Variants in PGCKA1 observed in about 807,000 individuals in gnomAD.
PGCKA1 encodes PDCD10 and GCKIII kinases-associated protein 1.
chr4:37,480,209 G>A, the PGCKA1 span, among the ~76,000 whole-genome samples: 1 of 152,188 alleles, frequency 6.6e-6, no homozygotes. Flanking sequence ...AACCTGAGAG[G>A]AGGCCAGGTG....
chr4:37,553,143 C>A, the PGCKA1 span, among the ~76,000 whole-genome samples: 9 of 150,900 alleles, frequency 6.0e-5, 1 homozygote, highest in East Asian at 1.2e-3. Context: ...CAGGTCTTCC[C>A]CATGTACAAG....
the PGCKA1 span, among the ~76,000 whole-genome samples, chr4:37,552,813 A>T: frequency 8.3e-3 from 1,260 of 152,042 alleles, 19 homozygotes; most frequent in African/African-American, 0.029. Context: ...CTTGTCATTC[A>T]CCACTTCAGA....
At chr4:37,587,696 C>G in the PGCKA1 span, among the ~76,000 whole-genome samples, 1 of 152,178 alleles carries the variant, frequency 6.6e-6, no homozygotes, top group Non-Finnish European at 1.5e-5. Context: ...AGGCCCGTCA[C>G]AGTGGCTCAT....
chr4:37,502,219 C>T, the PGCKA1 span, among the ~76,000 whole-genome samples: 19 of 152,204 alleles, frequency 1.2e-4, no homozygotes, highest in Admixed American at 3.3e-4. Context: ...TCAGGGACGG[C>T]GGCAGTGCAA....
At chr4:37,502,622 G>A in the PGCKA1 span, among the ~76,000 whole-genome samples, 1 of 152,160 alleles carries the variant, frequency 6.6e-6, no homozygotes, top group Admixed American at 6.5e-5. Flanking sequence ...GGCAGCACAG[G>A]GTGCGTGCGC....
chr4:37,471,027 T>C, the PGCKA1 span, among the ~76,000 whole-genome samples: 1 of 152,224 alleles, frequency 6.6e-6, no homozygotes, highest in African/African-American at 2.4e-5. Context: ...AGAACTTTAA[T>C]TTGCAAATAA....
At chr4:37,493,965 C>T in the PGCKA1 span, among the ~76,000 whole-genome samples, 1 of 152,100 alleles carries the variant, frequency 6.6e-6, no homozygotes, top group Non-Finnish European at 1.5e-5. Context: ...TTTCTTTATC[C>T]ATTCATCTGT....
At chr4:37,576,259 T>C in the PGCKA1 span, among the ~76,000 whole-genome samples, 3,711 of 152,238 alleles carry the variant, frequency 0.024, 143 homozygotes, top group African/African-American at 0.083. Flanking sequence ...TTTAATTTCT[T>C]TCACCAACAT....
chr4:37,509,976 T>G, the PGCKA1 span, among the ~76,000 whole-genome samples: 8 of 80,678 alleles, frequency 9.9e-5, no homozygotes, highest in African/African-American at 2.5e-4. Flanking sequence ...CGGGAGACCG[T>G]GGGAGAGGGA....
chr4:37,476,574 C>A, the PGCKA1 span, among the ~76,000 whole-genome samples: 1 of 152,110 alleles, frequency 6.6e-6, no homozygotes, highest in Non-Finnish European at 1.5e-5. Flanking sequence ...GCTTTTAGAA[C>A]CCCTGGGTTC....
the PGCKA1 span, among the ~76,000 whole-genome samples, chr4:37,520,743 G>A: frequency 1.3e-5 from 2 of 151,924 alleles, no homozygotes; most frequent in South Asian, 2.1e-4. Flanking sequence ...TCAGCCTCCC[G>A]AGTAGCTGGG....
At chr4:37,557,954 A>G in the PGCKA1 span, 2 of 152,152 alleles carry the variant, frequency 1.3e-5, no homozygotes, top group South Asian at 2.1e-4. Context: ...CTGCAGTCAC[A>G]CTCACGATAA....
the PGCKA1 span, among the ~76,000 whole-genome samples, chr4:37,483,231 T>G: frequency 6.6e-6 from 1 of 152,348 alleles, no homozygotes; most frequent in East Asian, 1.9e-4. Flanking sequence ...CTTTCATGAT[T>G]GTAAGTTTCC....
the PGCKA1 span, among the ~76,000 whole-genome samples, chr4:37,540,574 G>T: frequency 6.6e-6 from 1 of 152,174 alleles, no homozygotes; most frequent in African/African-American, 2.4e-5. Flanking sequence ...ACAATGAAAA[G>T]ATATTTCCTT....
the PGCKA1 span, among the ~76,000 whole-genome samples, chr4:37,506,377 G>A: frequency 6.6e-6 from 1 of 151,268 alleles, no homozygotes; most frequent in Non-Finnish European, 1.5e-5. Context: ...TTTATTTGAT[G>A]TTTTTCTTTT....
chr4:37,495,814 C>A, the PGCKA1 span, among the ~76,000 whole-genome samples: 1 of 151,954 alleles, frequency 6.6e-6, no homozygotes, highest in Non-Finnish European at 1.5e-5. Flanking sequence ...ATGTAACAAA[C>A]CTGCACATTC....
At chr4:37,547,108 C>A in the PGCKA1 span, among the ~76,000 whole-genome samples, 1 of 151,808 alleles carries the variant, frequency 6.6e-6, no homozygotes, top group Non-Finnish European at 1.5e-5. Context: ...TCACCCATGG[C>A]GTGCCTTTAT....
At chr4:37,552,711 G>C in the PGCKA1 span, among the ~76,000 whole-genome samples, 1 of 152,000 alleles carries the variant, frequency 6.6e-6, no homozygotes, top group African/African-American at 2.4e-5. Flanking sequence ...AAATTGAAAG[G>C]GTAAACTCTT....
the PGCKA1 span, among the ~76,000 whole-genome samples, chr4:37,502,268 A>C: frequency 6.6e-6 from 1 of 152,226 alleles, no homozygotes; most frequent in African/African-American, 2.4e-5. Flanking sequence ...TGGTAGGTGC[A>C]AGCGGGTGCC....
Sources: allele counts gnomAD v4.1 joint callset (sites outside exome capture counted in the v4.1 genomes callset), GRCh38; gene constraint gnomAD v4.1.1; transcripts MANE v1.5; gene names NCBI Gene and HGNC (gene_info 2026-07-23, HGNC 2026-07-21).